The following SYT16 variants were observed in gnomAD, a reference collection of about 807,000 sequenced individuals.
SYT16 encodes the protein synaptotagmin 16.
SYT16 carries 42 observed loss-of-function variants against 61.4 expected under a neutral mutation model. The observed-to-expected ratio is 0.68, with a 90% CI of 0.53 to 0.89. The LOEUF (loss-of-function observed/expected upper bound fraction) is 0.89. SYT16 is among the 40% of genes least tolerant of loss of function. SYT16 has a pLI of 0.00. For synonymous variants in SYT16, 314 were observed against 302.3 expected (o/e 1.04, Z -0.40); for missense variants, 804 against 807.3 (o/e 1.00, Z 0.05).
rs1289028875 is a variant in SYT16, at chr14:62,109,469, C to T, written c.*8762C>T. ...CAAATTTTATTAAAGTGCGTGCTCT[C>T]AGGAAAAGCTGCATATATTTTATAT... On this transcript the variant is annotated 3_prime_UTR_variant, in exon 8 of 8. Transcript: ENST00000683842. 1 of 152,050 alleles carries T rather than the reference C, an allele frequency of 6.6e-6. No individual in the cohort carries two copies. The highest frequency in any genetic ancestry group is 1.5e-5 in the Non-Finnish European group (1 of 68,012). 9.4% of individuals were successfully genotyped at this position (152,050 alleles called of 1,614,324 possible).
At chr14:61,921,724 T>C (rs1462731162) in intron 1 of SYT16, among the ~76,000 whole-genome samples, 1 of 152,184 alleles carries the variant, frequency 6.6e-6, no homozygotes, top group Non-Finnish European at 1.5e-5. Context: ...TCAAGCCAGC[T>C]ACACTGCTAG....
chr14:61,991,239 A>G lies in SYT16; in HGVS notation c.-144-4637A>G, dbSNP rs142559710. ...TGATGAGATATCATGAACCATTTCAATTGTAATAATGGGCCTTCTCAGATA... is the reference window on the plus strand; with the variant it reads ...TGATGAGATATCATGAACCATTTCAGTTGTAATAATGGGCCTTCTCAGATA... On this transcript the variant is annotated intron_variant, in intron 2 of 7. Coordinates refer to ENST00000683842, the MANE Select transcript of SYT16 (RefSeq NM_001367656.1). Among the ~76,000 whole-genome samples the G allele has an allele frequency of 3.0e-3, 449 of 152,076 alleles. 4 individuals are homozygous for G. The highest frequency in any genetic ancestry group is 9.8e-3 in the African/African-American group (408 of 41,494).
intron 1 of SYT16, among the ~76,000 whole-genome samples, chr14:61,899,003 A>T (rs1334801534): frequency 6.6e-6 from 1 of 152,226 alleles, no homozygotes; most frequent in East Asian, 1.9e-4. Flanking sequence ...GAAATAAGTT[A>T]TGTTTCTTGT....
chr14:61,854,352 A>C (rs1163277503), intron 1 of SYT16, among the ~76,000 whole-genome samples: 1 of 152,220 alleles, frequency 6.6e-6, no homozygotes, highest in African/African-American at 2.4e-5. Flanking sequence ...ATATACTCCA[A>C]TGATGTTAAA....
intron 1 of SYT16, among the ~76,000 whole-genome samples, chr14:61,842,779 G>A (rs553430350): frequency 6.7e-6 from 1 of 150,340 alleles, no homozygotes; most frequent in African/African-American, 2.5e-5. Flanking sequence ...CTGTTAGGGG[G>A]TGGGGGGAGC....
At chr14:61,964,438 A>G (rs975492727) in intron 1 of SYT16, among the ~76,000 whole-genome samples, 1 of 152,194 alleles carries the variant, frequency 6.6e-6, no homozygotes, top group African/African-American at 2.4e-5. Context: ...CCAGTGAACT[A>G]GAATTAGAAA....
intron 3 of SYT16, among the ~76,000 whole-genome samples, chr14:62,053,377 A>T (rs966639209): frequency 2.0e-5 from 3 of 152,136 alleles, no homozygotes; most frequent in Non-Finnish European, 4.4e-5. Context: ...AACTTACGCT[A>T]TTGGTTCCCC....
chr14:62,058,556 G>C (rs1454760205), intron 3 of SYT16, among the ~76,000 whole-genome samples: 1 of 151,746 alleles, frequency 6.6e-6, no homozygotes, highest in East Asian at 1.9e-4. Flanking sequence ...GTAGAGATGG[G>C]GTTTCACCAT....
intron 3 of SYT16, among the ~76,000 whole-genome samples, chr14:62,040,986 G>C (rs1027039479): frequency 6.6e-6 from 1 of 152,062 alleles, no homozygotes; most frequent in African/African-American, 2.4e-5. Context: ...ACAATCAATG[G>C]GTCCCACAAT....
rs543549777 is a variant in SYT16 at position 62,018,371 on chromosome 14, G to A, written c.523+21829G>A. ...TACCCAGGCTGGAGTGCAATGGCAC[G>A]ATCTCAGCTCACTGCAACCTCCGCC... On this transcript the variant is annotated intron_variant, in intron 3 of 7. Coordinates refer to ENST00000683842, the MANE Select transcript of SYT16 (RefSeq NM_001367656.1). Among the ~76,000 whole-genome samples the A allele has an allele frequency of 6.3e-5, 8 of 127,854 alleles. No individual in the cohort carries two copies. The East Asian group carries it at 1.2e-3, about 19-fold the overall frequency. The allele number at this position is 127,854 out of a possible 152,430, so 83.9% of individuals were successfully genotyped here.
At chr14:61,898,048 C>A (rs974439928) in intron 1 of SYT16, among the ~76,000 whole-genome samples, 1 of 152,186 alleles carries the variant, frequency 6.6e-6, no homozygotes, top group Non-Finnish European at 1.5e-5. Context: ...GATTAATATT[C>A]TGGTTCTTTT....
At chr14:61,911,385 G>C (rs931354094) in intron 1 of SYT16, among the ~76,000 whole-genome samples, 1 of 152,188 alleles carries the variant, frequency 6.6e-6, no homozygotes, top group African/African-American at 2.4e-5. Flanking sequence ...GGCCAATTTG[G>C]AGGGGCATTC....
At chr14:61,940,756 C>T (rs1026658791) in intron 1 of SYT16, among the ~76,000 whole-genome samples, 11 of 152,312 alleles carry the variant, frequency 7.2e-5, no homozygotes, top group African/African-American at 2.6e-4. Context: ...ATTTCCCTCC[C>T]TCTCAGGTTT....
chr14:62,097,856 C>A (rs117667689), intron 7 of SYT16, among the ~76,000 whole-genome samples: 2,940 of 152,300 alleles, frequency 0.019, 63 homozygotes, highest in Non-Finnish European at 0.026. Context: ...CTATACCTGG[C>A]AGCACAATTG....
intron 3 of SYT16, among the ~76,000 whole-genome samples, chr14:62,067,831 A>G (rs1285426335): frequency 6.6e-6 from 1 of 152,054 alleles, no homozygotes; most frequent in African/African-American, 2.4e-5. Flanking sequence ...AAACAAATAA[A>G]TAAATAAAGC....
intron 1 of SYT16, among the ~76,000 whole-genome samples, chr14:61,888,866 G>A (rs951807881): frequency 6.6e-6 from 1 of 151,450 alleles, no homozygotes; most frequent in Non-Finnish European, 1.5e-5. Context: ...GTACAATGAT[G>A]AGGATAAAAC....
At chr14:62,046,051 A>T (rs1248680935) in intron 3 of SYT16, among the ~76,000 whole-genome samples, 1 of 152,214 alleles carries the variant, frequency 6.6e-6, no homozygotes, top group Non-Finnish European at 1.5e-5. Context: ...GGGTTGAACT[A>T]GTTTACAGTC....
chr14:61,991,330 TTGTG>T (rs71117861), intron 2 of SYT16, among the ~76,000 whole-genome samples: 244 of 146,478 alleles, frequency 1.7e-3, no homozygotes, highest in African/African-American at 5.2e-3. Flanking sequence ...TGTTTTTCAT[TTGTG>T]TGTGTGTGTG....
At chr14:61,956,580 C>G (rs141113499) in intron 1 of SYT16, among the ~76,000 whole-genome samples, 19 of 152,086 alleles carry the variant, frequency 1.2e-4, no homozygotes, top group African/African-American at 4.3e-4. Flanking sequence ...ATTGCGTACT[C>G]TTGACACCCT....
Sources: gnomAD v4.1 joint callset for allele counts (sites outside exome capture counted in the v4.1 genomes callset) on GRCh38, gnomAD v4.1.1 for gene constraint, MANE v1.5 for transcripts, NCBI Gene and HGNC (gene_info 2026-07-23, HGNC 2026-07-21) for gene names.